CNTNAP2: variants seen among roughly 807,000 people sequenced by gnomAD.
The protein encoded by CNTNAP2 is contactin-associated protein-like 2.
In CNTNAP2, 98 loss-of-function variants were observed where a neutral mutation model predicts 155.2. The observed-to-expected ratio is 0.63, with a 90% confidence interval of 0.54 to 0.75. The LOEUF (loss-of-function observed/expected upper bound fraction) is 0.75, where lower values mean the gene tolerates loss of function less well. CNTNAP2 is among the 30% of genes least tolerant of loss of function. CNTNAP2 has a pLI of 0.00. For missense variants in CNTNAP2, 1,727 were observed against 1,688.1 expected, an observed-to-expected ratio of 1.02 and a Z score of -0.40; for synonymous variants, 651 against 631.2, an observed-to-expected ratio of 1.03 and a Z score of -0.47.
intron 1 of CNTNAP2, among the ~76,000 whole-genome samples, chr7:146,685,265 A>AT (rs1446311828): frequency 6.6e-6 from 1 of 152,134 alleles, no homozygotes; most frequent in Non-Finnish European, 1.5e-5. Context: ...GTGCCGCTTT[A>AT]TTTTTTGTAA....
intron 10 of CNTNAP2, among the ~76,000 whole-genome samples, chr7:147,426,659 A>G (rs1043264038): frequency 6.6e-6 from 1 of 152,186 alleles, no homozygotes. Context: ...ATTTTAATCT[A>G]AAACATCTGT....
intron 3 of CNTNAP2, among the ~76,000 whole-genome samples, chr7:146,901,448 GAATT>G (rs1329180173): frequency 6.6e-6 from 1 of 152,146 alleles, no homozygotes; most frequent in Non-Finnish European, 1.5e-5. Context: ...CACAGGGAAA[GAATT>G]AAAGAGCATT....
At chr7:146,870,288 A>T (rs1292464263) in intron 3 of CNTNAP2, among the ~76,000 whole-genome samples, 1 of 151,634 alleles carries the variant, frequency 6.6e-6, no homozygotes, top group Non-Finnish European at 1.5e-5. Context: ...TTGGGGAATC[A>T]TTATTCCTGG....
intron 13 of CNTNAP2, chr7:147,894,226 A>G (rs574738476): frequency 6.6e-6 from 1 of 152,358 alleles, no homozygotes; most frequent in East Asian, 1.9e-4. Flanking sequence ...TAGTAAGTGT[A>G]TCATCACCAT....
At chr7:146,806,503 AAAAG>A (rs1429738947) in intron 2 of CNTNAP2, among the ~76,000 whole-genome samples, 1 of 151,758 alleles carries the variant, frequency 6.6e-6, no homozygotes, top group Non-Finnish European at 1.5e-5. Flanking sequence ...TCAAAAAAAA[AAAAG>A]AAAGAAAGAA....
chr7:147,056,987 T>G (rs1338662013), intron 4 of CNTNAP2, among the ~76,000 whole-genome samples: 1 of 151,956 alleles, frequency 6.6e-6, no homozygotes, highest in Admixed American at 6.6e-5. Flanking sequence ...TTTTTTGGTT[T>G]GTTTGTTTGT....
At chr7:146,573,345 G>A (rs760104736) in intron 1 of CNTNAP2, among the ~76,000 whole-genome samples, 1 of 152,060 alleles carries the variant, frequency 6.6e-6, no homozygotes, top group South Asian at 2.1e-4. Flanking sequence ...GTTTCACCAC[G>A]TTGGCCAGGA....
chr7:148,174,426 C>T (rs868078093), intron 18 of CNTNAP2, among the ~76,000 whole-genome samples: 4 of 152,020 alleles, frequency 2.6e-5, no homozygotes, highest in African/African-American at 7.2e-5. Flanking sequence ...GACCGCCCCC[C>T]ACCTCAGGCT....
intron 1 of CNTNAP2, among the ~76,000 whole-genome samples, chr7:146,287,302 A>G (rs1310730295): frequency 1.3e-5 from 2 of 151,698 alleles, no homozygotes; most frequent in Non-Finnish European, 1.5e-5. Flanking sequence ...CACTGGAAAT[A>G]TCTCTTCAAA....
rs192170113 is a variant in CNTNAP2 at position 146,952,266 on chromosome 7, T to C, written c.403-91641T>C. On this transcript the variant is annotated intron_variant, in intron 3 of 23. Transcript: ENST00000361727. ...AAAACTCTCAATAAACTAGGTATTG[T>C]TGGAACATATCTCAAAATAATAAGA... is the stretch of plus-strand genomic sequence containing the variant. Among the ~76,000 whole-genome samples the C allele has an allele frequency of 5.4e-3, 826 of 152,120 alleles. 8 individuals are homozygous for C. Among genetic ancestry groups the C allele is most frequent in the African/African-American group, 0.019 (782 of 41,534 alleles).
chr7:147,707,065 C>T (rs557472385), intron 13 of CNTNAP2, among the ~76,000 whole-genome samples: 1 of 152,106 alleles, frequency 6.6e-6, no homozygotes, highest in Admixed American at 6.5e-5. Flanking sequence ...TATTCTCTTG[C>T]ATTTCACTGA....
intron 12 of CNTNAP2, among the ~76,000 whole-genome samples, chr7:147,611,227 G>A (rs542407226): frequency 6.6e-6 from 1 of 152,218 alleles, no homozygotes; most frequent in South Asian, 2.1e-4. Flanking sequence ...CTCCAAGTTT[G>A]AATTCAAGAT....
intron 9 of CNTNAP2, among the ~76,000 whole-genome samples, chr7:147,320,271 G>A (rs188400636): frequency 6.6e-6 from 1 of 152,264 alleles, no homozygotes; most frequent in East Asian, 1.9e-4. Flanking sequence ...TATCCTGTCA[G>A]CCAGAGCTTA....
intron 1 of CNTNAP2, among the ~76,000 whole-genome samples, chr7:146,550,962 G>A (rs1414385463): frequency 6.6e-6 from 1 of 152,004 alleles, no homozygotes; most frequent in Non-Finnish European, 1.5e-5. Context: ...GAAAAAATAA[G>A]AATAATACCA....
chr7:147,549,126 A>G (rs1045786347), intron 11 of CNTNAP2, among the ~76,000 whole-genome samples: 1 of 152,096 alleles, frequency 6.6e-6, no homozygotes, highest in Non-Finnish European at 1.5e-5. Flanking sequence ...AAACATTTAT[A>G]ATTCTGTGAA....
intron 22 of CNTNAP2, among the ~76,000 whole-genome samples, chr7:148,397,797 A>C (rs1431722792): frequency 6.6e-6 from 1 of 152,246 alleles, no homozygotes; most frequent in African/African-American, 2.4e-5. Flanking sequence ...ACCATCAGGA[A>C]GCTTTAATAA....
At chr7:146,642,117 T>TAA in intron 1 of CNTNAP2, among the ~76,000 whole-genome samples, 1 of 152,090 alleles carries the variant, frequency 6.6e-6, no homozygotes, top group Non-Finnish European at 1.5e-5. Context: ...TTTTGTTTTG[T>TAA]TTTGTTTTGG....
In CNTNAP2 at chr7:146,931,312, T is replaced by C. The variant is rs546496867; in HGVS notation, c.402+91408T>C. On this transcript the variant is annotated intron_variant, in intron 3 of 23. Transcript: ENST00000361727. ...CAAAACCGCTCAACTACATGGAAAC[T>C]GAACAACCTGCTCCTGAATGACTAC... 2.6e-5 allele frequency among the ~76,000 whole-genome samples: 4 copies of C among 151,918 alleles called. No individual in the cohort carries two copies. In the East Asian group the frequency reaches 7.7e-4, roughly 29 times the overall value.
At chr7:146,956,019 C>T (rs1337152511) in intron 3 of CNTNAP2, among the ~76,000 whole-genome samples, 1 of 151,930 alleles carries the variant, frequency 6.6e-6, no homozygotes, top group Admixed American at 6.6e-5. Context: ...AGTGTTCCCC[C>T]TCCAAGTCAG....
Sources: allele counts gnomAD v4.1 joint callset (sites outside exome capture counted in the v4.1 genomes callset), GRCh38; gene constraint gnomAD v4.1.1; transcripts MANE v1.5; gene names NCBI Gene and HGNC (gene_info 2026-07-23, HGNC 2026-07-21).